The following ADAD1 variants were observed in gnomAD, a reference collection of about 807,000 sequenced individuals.
The protein encoded by ADAD1 is adenosine deaminase domain-containing protein 1.
A neutral mutation model predicts 66.8 loss-of-function variants in ADAD1; 46 were observed. The observed-to-expected ratio is 0.69, with a 90% confidence interval of 0.54 to 0.88. The LOEUF (loss-of-function observed/expected upper bound fraction) is 0.88. Among genes scored for constraint, ADAD1 ranks in the 40% least tolerant of loss-of-function variants. The pLI is 0.00. For synonymous variants in ADAD1, 248 were observed against 229.4 expected, an observed-to-expected ratio of 1.08 and a Z score of -0.73; for missense variants, 617 against 681.8, an observed-to-expected ratio of 0.91 and a Z score of 1.06.
intron 9 of ADAD1, 139 bp downstream of exon 9, chr4:122,411,531 A>G: frequency 2.5e-6 from 2 of 804,794 alleles, no homozygotes; most frequent in Non-Finnish European, 3.8e-6. Context: ...TGTGGCCTGC[A>G]GGAGACCCCA....
chr4:122,388,047 C>A (rs965477063), intron 5 of ADAD1, among the ~76,000 whole-genome samples: 1 of 152,254 alleles, frequency 6.6e-6, no homozygotes. Context: ...GCATGAGCCA[C>A]TGCGCCCGGC....
chr4:122,390,041 A>G (rs1357454839), intron 5 of ADAD1, among the ~76,000 whole-genome samples: 6 of 152,166 alleles, frequency 3.9e-5, no homozygotes, highest in African/African-American at 1.4e-4. Flanking sequence ...GAGTTCTTGC[A>G]GGGCACATCT....
rs181478039 is a variant in ADAD1 at position 122,428,696 on chromosome 4, G to A, written c.1618-930G>A. 6.7e-3 allele frequency among the ~76,000 whole-genome samples: 1,022 copies of A among 152,240 alleles called. 9 individuals carry two copies. Among genetic ancestry groups the A allele is most frequent in the African/African-American group, 0.024 (985 of 41,540 alleles). On this transcript the variant is annotated intron_variant, in intron 12 of 12. Coordinates refer to ENST00000296513, the MANE Select transcript of ADAD1 (RefSeq NM_139243.4). ...AATTTATATGAATTTTTTAGAAAAA[G>A]CAAAACTCTAGAGACAGCAAGTAGA...
intron 12 of ADAD1, among the ~76,000 whole-genome samples, chr4:122,423,527 T>A (rs1797102471): frequency 6.6e-6 from 1 of 152,166 alleles, no homozygotes; most frequent in Admixed American, 6.5e-5. Flanking sequence ...CAGAAGATGG[T>A]AGAAGTTTTA....
At chr4:122,393,420 A>G (rs1795548267) in intron 5 of ADAD1, among the ~76,000 whole-genome samples, 169 bp from the exon 6 acceptor site, 1 of 152,144 alleles carries the variant, frequency 6.6e-6, no homozygotes, top group African/African-American at 2.4e-5. Flanking sequence ...ATTTCAAAAT[A>G]GGAAAGACAT....
chr4:122,382,420 C>T (rs1794946266), intron 4 of ADAD1, among the ~76,000 whole-genome samples: 1 of 152,180 alleles, frequency 6.6e-6, no homozygotes. Flanking sequence ...GCTCCGCATT[C>T]TGACACAGAA....
intron 7 of ADAD1, among the ~76,000 whole-genome samples, chr4:122,396,907 A>G (rs553485685): frequency 3.3e-5 from 5 of 152,298 alleles, no homozygotes; most frequent in African/African-American, 1.2e-4. Context: ...GGCAGAGTAG[A>G]TAAATATACT....
chr4:122,403,205 C>G (rs1796055684), intron 7 of ADAD1, among the ~76,000 whole-genome samples: 1 of 152,074 alleles, frequency 6.6e-6, no homozygotes, highest in Admixed American at 6.5e-5. Context: ...GTGCTCTCCC[C>G]CTTCCCCTAA....
intron 5 of ADAD1, among the ~76,000 whole-genome samples, chr4:122,387,222 G>A (rs1316694478): frequency 1.3e-5 from 2 of 152,014 alleles, no homozygotes; most frequent in African/African-American, 2.4e-5. Context: ...CCCGAGCAGT[G>A]GTTTGTAGTT....
At chr4:122,403,607 G>C (rs1842301) in intron 7 of ADAD1, among the ~76,000 whole-genome samples, 2,650 of 152,146 alleles carry the variant, frequency 0.017, 79 homozygotes, top group African/African-American at 0.061. Flanking sequence ...GTAATGGCTT[G>C]AGTTGATTGG....
chr4:122,423,731 T>A (rs1463916487), intron 12 of ADAD1, among the ~76,000 whole-genome samples: 2 of 151,884 alleles, frequency 1.3e-5, no homozygotes, highest in Non-Finnish European at 2.9e-5. Context: ...CCAGATACAA[T>A]AAGATATTAT....
intron 12 of ADAD1, among the ~76,000 whole-genome samples, chr4:122,427,523 CTTTTTTTTTTTTT>C (rs59864757): frequency 1.1e-4 from 8 of 71,982 alleles, no homozygotes; most frequent in African/African-American, 2.9e-4. Flanking sequence ...ATCCAAAGGC[CTTTTTTTTTTTTT>C]TTTTTTTTTT....
At chr4:122,399,275 A>T (rs548037333) in intron 7 of ADAD1, among the ~76,000 whole-genome samples, 2 of 151,914 alleles carry the variant, frequency 1.3e-5, no homozygotes, top group South Asian at 2.1e-4. Flanking sequence ...AGGCCAGTTG[A>T]CTGTATTTTG....
chr4:122,405,367 T>A (rs1796160626), intron 7 of ADAD1, among the ~76,000 whole-genome samples: 1 of 152,204 alleles, frequency 6.6e-6, no homozygotes, highest in Non-Finnish European at 1.5e-5. Context: ...CCAGACTTCA[T>A]CAAGAAGCTC....
chr4:122,392,141 T>G (rs1795479674), intron 5 of ADAD1, among the ~76,000 whole-genome samples: 1 of 152,246 alleles, frequency 6.6e-6, no homozygotes, highest in Non-Finnish European at 1.5e-5. Context: ...TCTATCTGTC[T>G]CTGAGTTTTA....
intron 12 of ADAD1, among the ~76,000 whole-genome samples, chr4:122,428,813 A>G (rs981287973): frequency 2.6e-5 from 4 of 152,126 alleles, no homozygotes; most frequent in Admixed American, 6.6e-5. Flanking sequence ...TTGTTTCACA[A>G]CTGGACTATG....
intron 5 of ADAD1, among the ~76,000 whole-genome samples, chr4:122,389,457 T>C (rs1468224311): frequency 6.6e-6 from 1 of 152,214 alleles, no homozygotes; most frequent in African/African-American, 2.4e-5. Flanking sequence ...CAGTGTGGTG[T>C]TAAAGTCTCC....
intron 4 of ADAD1, among the ~76,000 whole-genome samples, chr4:122,382,338 ATAGCTCTATGTGTGATT>A (rs1290691896): frequency 6.6e-6 from 1 of 152,252 alleles, no homozygotes; most frequent in East Asian, 1.9e-4. Flanking sequence ...GAATTTTTTA[ATAGCTCTATGTGTGATT>A]TAGATTTACA....
intron 7 of ADAD1, among the ~76,000 whole-genome samples, chr4:122,401,968 G>A (rs1485367718): frequency 2.0e-5 from 3 of 151,906 alleles, no homozygotes; most frequent in Non-Finnish European, 4.4e-5. Flanking sequence ...TTTAAGTGGA[G>A]CATTTAGGCC....
Sources: allele counts gnomAD v4.1 joint callset (sites outside exome capture counted in the v4.1 genomes callset), GRCh38; gene constraint gnomAD v4.1.1; transcripts MANE v1.5; gene names NCBI Gene and HGNC (gene_info 2026-07-23, HGNC 2026-07-21).